The following CNTN5 variants were observed in gnomAD, a reference collection of about 807,000 sequenced individuals.
CNTN5 encodes the protein contactin 5.
CNTN5 carries 77 observed loss-of-function variants against 129.1 expected under a neutral mutation model. The ratio of observed to expected loss-of-function variants is 0.60; its 90% CI spans 0.50 to 0.72. CNTN5 has a LOEUF of 0.72. Ranked by LOEUF, CNTN5 falls within the 30% of genes least tolerant of loss-of-function variation. CNTN5 has a pLI of 0.00. For synonymous variants in CNTN5, 509 were observed against 465.6 expected (o/e 1.09, Z -1.20); for missense variants, 1,478 against 1,328.8 (o/e 1.11, Z -1.75).
rs190352554 is a variant in CNTN5 at position 99,480,387 on chromosome 11, T to G, written c.-70-75758T>G. Among the ~76,000 whole-genome samples, 560 of 152,268 alleles carry G rather than the reference T, an allele frequency of 3.7e-3. 4 individuals carry two copies. Among genetic ancestry groups the G allele is most frequent in the African/African-American group, 0.013 (542 of 41,562 alleles). ...TGTTTCACTGGCTTTCAATGGCATC[T>G]TTGGCAGGATATTTGATCTCTGGGG... On this transcript the variant is annotated intron_variant, in intron 2 of 24. Coordinates refer to ENST00000524871, the MANE Select transcript of CNTN5 (RefSeq NM_014361.4).
intron 1 of CNTN5, among the ~76,000 whole-genome samples, chr11:99,038,322 AC>A (rs1347382054): frequency 2.0e-5 from 3 of 152,230 alleles, no homozygotes; most frequent in Non-Finnish European, 4.4e-5. Flanking sequence ...TTTATAAGAT[AC>A]ACATTGATGT....
At chr11:99,082,430 G>T (rs957766066) in intron 1 of CNTN5, among the ~76,000 whole-genome samples, 1 of 152,058 alleles carries the variant, frequency 6.6e-6, no homozygotes. Context: ...TGATCCGCCC[G>T]CCTCGGCCCT....
At chr11:99,751,023 G>A (rs1355798408) in intron 3 of CNTN5, among the ~76,000 whole-genome samples, 4 of 152,178 alleles carry the variant, frequency 2.6e-5, no homozygotes, top group Admixed American at 2.0e-4. Context: ...CAGTGTGAAG[G>A]AAGTGAGATG....
At chr11:99,835,776 G>C (rs1002015626) in intron 4 of CNTN5, among the ~76,000 whole-genome samples, 2 of 152,154 alleles carry the variant, frequency 1.3e-5, no homozygotes, top group African/African-American at 4.8e-5. Context: ...TAAATACATG[G>C]TTGACTGGTT....
At chr11:99,483,518 G>T (rs528321022) in intron 2 of CNTN5, among the ~76,000 whole-genome samples, 1 of 152,006 alleles carries the variant, frequency 6.6e-6, no homozygotes, top group Non-Finnish European at 1.5e-5. Context: ...ACCCAACTCC[G>T]GAGATTTTAT....
chr11:99,821,820 ATACT>A (rs1434385340), intron 4 of CNTN5, among the ~76,000 whole-genome samples: 1 of 152,186 alleles, frequency 6.6e-6, no homozygotes, highest in Non-Finnish European at 1.5e-5. Context: ...TCTGTGGATG[ATACT>A]TACTGAGTGG....
Position 99,057,092 on chromosome 11 carries a change from G to C in CNTN5, c.-210+35822G>C, listed in dbSNP as rs926665383. 2.6e-5 allele frequency among the ~76,000 whole-genome samples: 4 copies of C among 152,062 alleles called. No homozygotes were observed. The East Asian group carries it at 5.8e-4, about 22-fold the overall frequency. On this transcript the variant is annotated intron_variant, in intron 1 of 24. Coordinates refer to ENST00000524871, the MANE Select transcript of CNTN5 (RefSeq NM_014361.4). ...GCCTCAAGAAGCACAATTTAATCTG[G>C]TTACAGATAACTTAAATTATGCTGT... is the stretch of plus-strand genomic sequence containing the variant.
chr11:99,370,501 G>T (rs1939760014), intron 2 of CNTN5, among the ~76,000 whole-genome samples: 2 of 152,256 alleles, frequency 1.3e-5, no homozygotes, highest in South Asian at 2.1e-4. Context: ...AAAAGATAAA[G>T]ATTTGCTGCT....
chr11:99,176,269 A>G (rs866138092), intron 1 of CNTN5, among the ~76,000 whole-genome samples: 12 of 151,920 alleles, frequency 7.9e-5, no homozygotes, highest in Non-Finnish European at 8.8e-5. Flanking sequence ...GTTAAGAGAC[A>G]TTGAAGACTT....
intron 2 of CNTN5, among the ~76,000 whole-genome samples, chr11:99,534,369 T>C (rs1947824857): frequency 6.6e-6 from 1 of 152,192 alleles, no homozygotes; most frequent in South Asian, 2.1e-4. Context: ...ATGATTTTAA[T>C]GAGATTTTCA....
intron 2 of CNTN5, among the ~76,000 whole-genome samples, chr11:99,402,082 C>G (rs1466988640): frequency 6.6e-6 from 1 of 152,066 alleles, no homozygotes; most frequent in Non-Finnish European, 1.5e-5. Flanking sequence ...TCTGGTTGCT[C>G]TAACTAGGGT....
intron 1 of CNTN5, among the ~76,000 whole-genome samples, chr11:99,110,339 A>T (rs934749747): frequency 6.6e-5 from 10 of 152,316 alleles, no homozygotes; most frequent in African/African-American, 2.4e-4. Context: ...AGTAATCAGC[A>T]GTTGTGTCAG....
chr11:99,711,597 C>G (rs550446696), intron 3 of CNTN5, among the ~76,000 whole-genome samples: 1 of 151,804 alleles, frequency 6.6e-6, no homozygotes. Context: ...CCATCATTCA[C>G]GTTAGGTATT....
At chr11:99,858,472 G>A (rs1303109592) in intron 6 of CNTN5, among the ~76,000 whole-genome samples, 2 of 151,892 alleles carry the variant, frequency 1.3e-5, no homozygotes, top group Admixed American at 6.6e-5. Flanking sequence ...GCACCAATAT[G>A]CAAGCAGGCC....
intron 3 of CNTN5, among the ~76,000 whole-genome samples, chr11:99,670,777 A>G (rs1393421352): frequency 6.6e-6 from 1 of 152,130 alleles, no homozygotes; most frequent in Non-Finnish European, 1.5e-5. Context: ...ATAGGTTTGC[A>G]TCTTATCCAT....
intron 7 of CNTN5, among the ~76,000 whole-genome samples, chr11:99,955,618 G>T (rs1411555385): frequency 6.6e-6 from 1 of 151,852 alleles, no homozygotes; most frequent in Non-Finnish European, 1.5e-5. Context: ...GGAGTGCAGC[G>T]GCATGACCTC....
chr11:99,327,845 C>T (rs1488154286), intron 2 of CNTN5, among the ~76,000 whole-genome samples: 1 of 152,144 alleles, frequency 6.6e-6, no homozygotes, highest in Non-Finnish European at 1.5e-5. Context: ...TGAGTTCAGC[C>T]TTTGAGAATG....
intron 18 of CNTN5, among the ~76,000 whole-genome samples, chr11:100,280,360 A>G (rs1469490020): frequency 6.6e-6 from 1 of 151,902 alleles, no homozygotes; most frequent in African/African-American, 2.4e-5. Flanking sequence ...CTGGGTACTC[A>G]AGCATTGAGT....
At chr11:99,570,307 T>C (rs2135575085) in intron 3 of CNTN5, among the ~76,000 whole-genome samples, 1 of 152,268 alleles carries the variant, frequency 6.6e-6, no homozygotes, top group East Asian at 1.9e-4. Context: ...GGATCCTTAT[T>C]TGTTCCAGAA....
Sources: allele counts gnomAD v4.1 joint callset (sites outside exome capture counted in the v4.1 genomes callset), GRCh38; gene constraint gnomAD v4.1.1; transcripts MANE v1.5; gene names NCBI Gene and HGNC (gene_info 2026-07-23, HGNC 2026-07-21).